Variants in NFE2L2 observed in about 807,000 individuals in gnomAD.
NFE2L2 encodes NFE2 like bZIP transcription factor 2.
Under a neutral mutation model 49.6 loss-of-function variants are expected in NFE2L2, and 20 were observed. That is an observed-to-expected ratio of 0.40 (90% confidence interval 0.28 to 0.59). The LOEUF is 0.59. Among genes scored for constraint, NFE2L2 ranks in the 20% least tolerant of loss-of-function variants. The probability of loss-of-function intolerance (pLI) is 0.40; values close to 1 mark genes in which losing one functional copy is unlikely to be tolerated. For synonymous variants in NFE2L2, 244 were observed against 256.5 expected (o/e 0.95, Z 0.47); for missense variants, 578 against 714.2 (o/e 0.81, Z 2.17).
At chr2:177,242,901 T>G (rs555938499) in intron 1 of NFE2L2, among the ~76,000 whole-genome samples, 23 of 147,280 alleles carry the variant, frequency 1.6e-4, no homozygotes, top group African/African-American at 2.9e-4. Flanking sequence ...GAGGTTTTGT[T>G]TTTTTTTTGT....
intron 1 of NFE2L2, among the ~76,000 whole-genome samples, chr2:177,237,279 G>A (rs1689782941): frequency 6.6e-6 from 1 of 152,228 alleles, no homozygotes; most frequent in Non-Finnish European, 1.5e-5. Flanking sequence ...GAAGCGGCCA[G>A]TCTGCAGGTC....
At chr2:177,247,888 C>T (rs1690193596) in intron 1 of NFE2L2, among the ~76,000 whole-genome samples, 2 of 152,064 alleles carry the variant, frequency 1.3e-5, no homozygotes, top group Non-Finnish European at 2.9e-5. Context: ...CGAGGCTGGG[C>T]AAAGTCTCAG....
chr2:177,260,497 T>C (rs116709891), intron 1 of NFE2L2, among the ~76,000 whole-genome samples: 107 of 152,322 alleles, frequency 7.0e-4, no homozygotes, highest in African/African-American at 2.6e-3. Flanking sequence ...CAAGTAAGCT[T>C]CAACTAGATA....
intron 1 of NFE2L2, among the ~76,000 whole-genome samples, chr2:177,239,205 A>G (rs1478439654): frequency 1.3e-5 from 2 of 152,214 alleles, no homozygotes; most frequent in Non-Finnish European, 2.9e-5. Context: ...ACCTGAAACA[A>G]TGCTGGACCC....
Position 177,232,024 on chromosome 2 carries a change from G to A in NFE2L2, c.595-16C>T. 1 of 1,566,412 alleles carries A rather than the reference G, an allele frequency of 6.4e-7. No homozygotes were observed. Among genetic ancestry groups the A allele is most frequent in the African/African-American group, 1.4e-5 (1 of 73,022 alleles). ...TATTAAGACACTGCATGAGAAGGAA[G>A]TTTATACTATATAAATCAAAGTTAA... On this transcript the variant is annotated splice_polypyrimidine_tract_variant and intron_variant, in intron 4 of 4. Coordinates refer to ENST00000397062, the MANE Select transcript of NFE2L2 (RefSeq NM_006164.5).
intron 1 of NFE2L2, among the ~76,000 whole-genome samples, chr2:177,264,143 G>T (rs1690852702): frequency 6.6e-6 from 1 of 152,024 alleles, no homozygotes; most frequent in Non-Finnish European, 1.5e-5. Context: ...GGCCGCGCCG[G>T]CTCAGACGGC....
At chr2:177,237,039 T>C (rs1689773940) in intron 1 of NFE2L2, among the ~76,000 whole-genome samples, 1 of 152,106 alleles carries the variant, frequency 6.6e-6, no homozygotes, top group South Asian at 2.1e-4. Context: ...TAATTACTTT[T>C]TGTAGAGATG....
intron 1 of NFE2L2, among the ~76,000 whole-genome samples, chr2:177,253,477 C>T (rs1224961768): frequency 1.3e-5 from 2 of 152,196 alleles, no homozygotes; most frequent in Admixed American, 1.3e-4. Flanking sequence ...AAGGGGGATA[C>T]GTGCTGCATT....
At chr2:177,263,694 G>C in intron 1 of NFE2L2, 2 of 985,496 alleles carry the variant, frequency 2.0e-6, no homozygotes, top group Non-Finnish European at 2.4e-6. Context: ...CCCGGGTGCC[G>C]CCGACTCCGG....
At chr2:177,232,250 TTAAC>T in intron 4 of NFE2L2, 138 bp downstream of exon 4, 2 of 950,876 alleles carry the variant, frequency 2.1e-6, no homozygotes, top group Admixed American at 3.0e-5. Context: ...TCCAACCAAT[TTAAC>T]TAGCATGGGC....
chr2:177,251,703 C>T (rs1057156904), intron 1 of NFE2L2, among the ~76,000 whole-genome samples: 2 of 152,246 alleles, frequency 1.3e-5, no homozygotes, highest in African/African-American at 2.4e-5. Flanking sequence ...TGAGTGTTTA[C>T]ACTGGAACTC....
intron 1 of NFE2L2, among the ~76,000 whole-genome samples, chr2:177,263,068 G>A (rs1310934358): frequency 6.6e-6 from 1 of 152,210 alleles, no homozygotes; most frequent in Admixed American, 6.5e-5. Flanking sequence ...TGTACATCAA[G>A]TACACATTTC....
chr2:177,264,232 G>T, intron 1 of NFE2L2: 1 of 330,102 alleles, frequency 3.0e-6, no homozygotes. Context: ...TCTCGGGCCC[G>T]GGGACGCGGC....
chr2:177,230,703 A>G lies in NFE2L2; in HGVS notation c.*82T>C, dbSNP rs575021005. The G allele has an allele frequency of 7.0e-7, 1 of 1,429,358 alleles. No individual in the cohort carries two copies. The highest frequency in any genetic ancestry group is 1.4e-5 in the African/African-American group (1 of 69,222). 88.5% of individuals were successfully genotyped at this position (1,429,358 alleles called of 1,614,324 possible). A position where few individuals can be genotyped will look rare whatever the true frequency, so the allele number is the denominator to read the frequency against. On this transcript the variant is annotated 3_prime_UTR_variant, in exon 5 of 5. Transcript: ENST00000397062. ...TTTTGCATAGAATTACTTATAAAGT[A>G]TGAGCATTTCACATCACAGTAGGAG...
In NFE2L2 at chr2:177,264,594, G is replaced by C; in HGVS notation, c.-18C>G. On this transcript the variant is annotated 5_prime_UTR_variant, in exon 1 of 5. Coordinates refer to ENST00000397062, the MANE Select transcript of NFE2L2 (RefSeq NM_006164.5). ...TCCATCATGATGAGCTGTGGACCGT[G>C]TGTTGGGGCTCCCCGACGGCGGCCC... The C allele has an allele frequency of 6.9e-7, 1 of 1,457,938 alleles. No homozygotes were observed. The highest frequency in any genetic ancestry group is 1.5e-5 in the African/African-American group (1 of 68,208). The allele number at this position is 1,457,938 out of a possible 1,614,324, so 90.3% of individuals were successfully genotyped here.
At chr2:177,260,445 TAAGA>T (rs1690692052) in intron 1 of NFE2L2, among the ~76,000 whole-genome samples, 1 of 152,212 alleles carries the variant, frequency 6.6e-6, no homozygotes, top group East Asian at 1.9e-4. Context: ...CAATAAGGAC[TAAGA>T]AAGTGTTTAA....
At chr2:177,256,043 T>C (rs1213631710) in intron 1 of NFE2L2, 1 of 154,708 alleles carries the variant, frequency 6.5e-6, no homozygotes, top group Non-Finnish European at 1.5e-5. Flanking sequence ...GTTAAAAAAA[T>C]TATTTTCTTT....
intron 1 of NFE2L2, among the ~76,000 whole-genome samples, chr2:177,237,276 C>T (rs1187890610): frequency 4.6e-5 from 7 of 152,190 alleles, no homozygotes; most frequent in Non-Finnish European, 8.8e-5. Flanking sequence ...TATGAAGCGG[C>T]CAGTCTGCAG....
chr2:177,263,623 G>A (rs1690824262), intron 1 of NFE2L2: 4 of 985,440 alleles, frequency 4.1e-6, no homozygotes, highest in South Asian at 9.4e-5. Flanking sequence ...GCGCTGTCAC[G>A]GAAGCCAAGG....
Sources: gnomAD v4.1 joint callset for allele counts (sites outside exome capture counted in the v4.1 genomes callset) on GRCh38, gnomAD v4.1.1 for gene constraint, MANE v1.5 for transcripts, NCBI Gene and HGNC (gene_info 2026-07-23, HGNC 2026-07-21) for gene names.